Variants in NTSR2 observed in about 807,000 individuals in gnomAD.
NTSR2 encodes neurotensin receptor type 2.
NTSR2 carries 22 observed loss-of-function variants against 24.1 expected under a neutral mutation model. The observed-to-expected ratio is 0.91, with a 90% confidence interval of 0.65 to 1.30. The LOEUF is 1.30. NTSR2 is among the 50% of genes most tolerant of loss of function. The pLI, the probability that NTSR2 is intolerant of heterozygous loss-of-function variation, is 0.00. For missense variants in NTSR2, 570 were observed against 570.4 expected (o/e 1.00, Z 0.01); for synonymous variants, 291 against 267.0 (o/e 1.09, Z -0.88).
At chr2:11,659,676 G>A (rs920593182) in intron 3 of NTSR2, among the ~76,000 whole-genome samples, 2 of 152,222 alleles carry the variant, frequency 1.3e-5, no homozygotes, top group Non-Finnish European at 2.9e-5. Context: ...AGCTCCTGGG[G>A]TCGCACCTTT....
At position 11,666,623 on chromosome 2, in the gene NTSR2, C is replaced by T. The variant is rs187686458; in HGVS notation, c.624+2883G>A. Among the ~76,000 whole-genome samples, 1,065 of 152,282 alleles carry T rather than the reference C, an allele frequency of 7.0e-3. 4 individuals carry two copies. Among genetic ancestry groups the T allele is most frequent in the Non-Finnish European group, 0.012 (829 of 68,022 alleles). On this transcript the variant is annotated intron_variant, in intron 1 of 3. Transcript: ENST00000306928. ...CTGAGGCAGGAGAATCGCTTGAACC[C>T]AGAAGGCCGAGGTTGCAGTGAGCCG... is the stretch of plus-strand genomic sequence containing the variant.
At chr2:11,666,769 G>A (rs2148488578) in intron 1 of NTSR2, among the ~76,000 whole-genome samples, 1 of 152,238 alleles carries the variant, frequency 6.6e-6, no homozygotes, top group Non-Finnish European at 1.5e-5. Flanking sequence ...CAGGGGTGGA[G>A]GAAGGAGGGA....
Position 11,670,115 on chromosome 2 carries a change from G to GGGCCGCGGA in NTSR2, c.14_15insTCCGCGGCC (p.Pro9_Pro11dup). The GGGCCGCGGA allele has an allele frequency of 7.2e-7, 1 of 1,383,492 alleles. No homozygotes were observed. The allele number at this position is 1,383,492 out of a possible 1,614,324, so 85.7% of individuals were successfully genotyped here. On this transcript the variant is annotated inframe_insertion, in exon 1 of 4. Coordinates refer to ENST00000306928, the MANE Select transcript of NTSR2 (RefSeq NM_012344.4). ...TGGAGCTGGGCCGCGGGGGCCGCGG[G>GGGCCGCGGA]CTGCTGGTTTCCATCCCGCTCCCGC...
intron 1 of NTSR2, among the ~76,000 whole-genome samples, chr2:11,667,581 C>T (rs976736461): frequency 2.6e-5 from 4 of 152,180 alleles, no homozygotes; most frequent in Non-Finnish European, 5.9e-5. Context: ...CTGGCCTCAA[C>T]TGATCCTCCT....
Position 11,667,226 on chromosome 2 carries a change from T to G in NTSR2, c.624+2280A>C, listed in dbSNP as rs557982854. On this transcript the variant is annotated intron_variant, in intron 1 of 3. Coordinates refer to ENST00000306928, the MANE Select transcript of NTSR2 (RefSeq NM_012344.4). Reference sequence around the variant, plus strand: ...CTTCAATTTTTTATTTTGGCTGAAGTTGCCTCCAGTTCTGTTTCCATCATT... The same window carrying G: ...CTTCAATTTTTTATTTTGGCTGAAGGTGCCTCCAGTTCTGTTTCCATCATT... Among the ~76,000 whole-genome samples the G allele has an allele frequency of 2.7e-4, 41 of 152,334 alleles. 1 individual carries two copies. The highest frequency in any genetic ancestry group is 9.6e-4 in the African/African-American group (40 of 41,576).
chr2:11,665,195 C>T (rs1661169809), intron 1 of NTSR2, among the ~76,000 whole-genome samples: 1 of 152,042 alleles, frequency 6.6e-6, no homozygotes, highest in Non-Finnish European at 1.5e-5. Flanking sequence ...GTCACAGCCA[C>T]GCCAGGCCTC....
At position 11,669,539 on chromosome 2, in the gene NTSR2, C is replaced by A; in HGVS notation, c.591G>T (p.Leu197=). Residue 197 remains leucine, a synonymous_variant, in exon 1 of 4, where the codon CTG becomes CTT. Coordinates refer to ENST00000306928, the MANE Select transcript of NTSR2 (RefSeq NM_012344.4). Reference sequence around the variant, plus strand: ...AGACTTGGAGCGCGGTGCGGCTCACCAGCACCGTGCACACTCGCGAGGCGG... The same window carrying A: ...AGACTTGGAGCGCGGTGCGGCTCACAAGCACCGTGCACACTCGCGAGGCGG... ...PEPASRVCTV[L]VSRTALQVFI... is the part of the protein sequence containing the mutation. 1 of 1,436,328 alleles carries A rather than the reference C, an allele frequency of 7.0e-7. No homozygotes were observed. Among genetic ancestry groups the A allele is most frequent in the Non-Finnish European group, 9.2e-7 (1 of 1,091,658 alleles). 89.0% of individuals were successfully genotyped at this position (1,436,328 alleles called of 1,614,324 possible).
intron 1 of NTSR2, among the ~76,000 whole-genome samples, chr2:11,669,065 A>G (rs1031995495): frequency 6.6e-6 from 1 of 152,172 alleles, no homozygotes; most frequent in Non-Finnish European, 1.5e-5. Context: ...AAGCCTGATC[A>G]GGCCTCTGGA....
Position 11,658,471 on chromosome 2 carries a change from C to A in NTSR2, c.*8G>T. On this transcript the variant is annotated 3_prime_UTR_variant, in exon 4 of 4. Transcript: ENST00000306928. ...ATTTTGCTTGTTCTGTTCATTCTTG[C>A]ATTACATTCAGGTCCGGGTTTCTGG... is the stretch of plus-strand genomic sequence containing the variant. The A allele has an allele frequency of 6.3e-7, 1 of 1,588,818 alleles. No individual in the cohort carries two copies. The highest frequency in any genetic ancestry group is 8.6e-7 in the Non-Finnish European group (1 of 1,167,102).
chr2:11,669,384 C>T, intron 1 of NTSR2, 122 bp downstream of exon 1: 1 of 907,856 alleles, frequency 1.1e-6, no homozygotes, highest in Non-Finnish European at 1.5e-6. Flanking sequence ...CAAGACCCAA[C>T]TTGCTGGGTG....
intron 1 of NTSR2, among the ~76,000 whole-genome samples, chr2:11,663,235 T>C (rs1452721143): frequency 1.3e-5 from 2 of 152,018 alleles, no homozygotes; most frequent in Non-Finnish European, 2.9e-5. Flanking sequence ...TATAAGCCAA[T>C]AAAGAGGAAG....
In NTSR2 at chr2:11,660,008, C is replaced by T. The variant is rs757994634; in HGVS notation, c.989+35G>A. Reference sequence around the variant, plus strand: ...CCCAGGCCTAGCCCAGTTGGGCCCCCTCCCTGTGTGCTAGGGTCCTTCTGC... The same window carrying T: ...CCCAGGCCTAGCCCAGTTGGGCCCCTTCCCTGTGTGCTAGGGTCCTTCTGC... On this transcript the variant is annotated intron_variant, in intron 3 of 3. Transcript: ENST00000306928. The T allele has an allele frequency of 2.8e-5, 44 of 1,581,058 alleles. No individual in the cohort carries two copies. In the Middle Eastern group the frequency reaches 1.3e-3, roughly 48 times the overall value.
chr2:11,662,159 G>A lies in NTSR2; in HGVS notation c.706C>T (p.Leu236Phe), dbSNP rs547914343. The A allele has an allele frequency of 1.3e-6, 2 of 1,599,482 alleles. No homozygotes were observed. Among genetic ancestry groups the A allele is most frequent in the African/African-American group, 1.3e-5 (1 of 74,302 alleles). Residue 236 changes from leucine to phenylalanine, a missense_variant, in exon 2 of 4, where the codon CTC becomes TTC. By Grantham distance (22) the Leu-to-Phe change is conservative. Coordinates refer to ENST00000306928, the MANE Select transcript of NTSR2 (RefSeq NM_012344.4). ...NGVTVSHLLA[L>F]CSQVPSTSTP... Reference sequence around the variant, plus strand: ...GAAGTGGACGGCACTTGGGAGCAGAGGGCCAGCAGGTGGCTCACTGTGACC... The same window carrying A: ...GAAGTGGACGGCACTTGGGAGCAGAAGGCCAGCAGGTGGCTCACTGTGACC...
rs956540613 is a variant in NTSR2 at position 11,659,252 on chromosome 2, A to G, written c.990-530T>C. ...CCATCCCTGGCTGTGGTTCCTGGTC[A>G]CCTCATGGTAAGGTGACACTGCTGA... On this transcript the variant is annotated intron_variant, in intron 3 of 3. Coordinates refer to ENST00000306928, the MANE Select transcript of NTSR2 (RefSeq NM_012344.4). Among the ~76,000 whole-genome samples the G allele has an allele frequency of 7.9e-5, 12 of 152,236 alleles. No homozygotes were observed. In the South Asian group the frequency reaches 2.3e-3, roughly 29 times the overall value.
In NTSR2 at chr2:11,658,864, G is replaced by C. The variant is rs1228812323; in HGVS notation, c.990-142C>G. Reference sequence around the variant, plus strand: ...ATCAGGAAGCACAGTGTTTTTGTTTGTTTGTTTGTTTTTGAGACGGAGTCT... The same window carrying C: ...ATCAGGAAGCACAGTGTTTTTGTTTCTTTGTTTGTTTTTGAGACGGAGTCT... On this transcript the variant is annotated intron_variant, in intron 3 of 3. Transcript: ENST00000306928. The C allele has an allele frequency of 9.8e-6, 10 of 1,023,860 alleles. No individual in the cohort carries two copies. The East Asian group carries it at 2.0e-4, about 20-fold the overall frequency. The allele number at this position is 1,023,860 out of a possible 1,614,324, so 63.4% of individuals were successfully genotyped here. A position where few individuals can be genotyped will look rare whatever the true frequency, so the allele number is the denominator to read the frequency against.
At chr2:11,659,827 C>T (rs996469198) in intron 3 of NTSR2, among the ~76,000 whole-genome samples, 1 of 152,210 alleles carries the variant, frequency 6.6e-6, no homozygotes, top group African/African-American at 2.4e-5. Context: ...GGCTAGGCCT[C>T]TTACGCACAC....
At position 11,669,893 on chromosome 2, in the gene NTSR2, G is replaced by T; in HGVS notation, c.237C>A (p.Gly79=). ...GCACGCCGACCAGCAGCAGCAGCAG[G>T]CCCGCGAGCGCCAGGCTGAGCACGT... ...RHHVLSLALA[G]LLLLLVGVPV... Residue 79 remains glycine (G), a synonymous_variant, in exon 1 of 4, where the codon GGC becomes GGA. Transcript: ENST00000306928. 1 of 1,574,440 alleles carries T rather than the reference G, an allele frequency of 6.4e-7. No individual in the cohort carries two copies.
rs564129329 is a variant in NTSR2, at chr2:11,669,996, A to G, written c.134T>C (p.Leu45Pro). Residue 45 changes from leucine (L) to proline (P), a missense_variant, in exon 1 of 4, where the codon CTG (leucine) becomes CCG (proline). Coordinates refer to ENST00000306928, the MANE Select transcript of NTSR2 (RefSeq NM_012344.4). Reference protein sequence around the residue: ...FTALYALIWALGAAGNALSAH... With the variant: ...FTALYALIWAPGAAGNALSAH... ...GGACAGCGCATTGCCCGCCGCGCCC[A>G]GCGCCCAGATGAGTGCGTAGAGCGC... 139 of 1,513,480 alleles carry G rather than the reference A, an allele frequency of 9.2e-5. No homozygotes were observed. The highest frequency in any genetic ancestry group is 1.2e-4 in the Non-Finnish European group (132 of 1,137,098). The allele number at this position is 1,513,480 out of a possible 1,614,324, so 93.8% of individuals were successfully genotyped here.
intron 3 of NTSR2, among the ~76,000 whole-genome samples, chr2:11,659,071 T>C (rs1249339932): frequency 6.6e-6 from 1 of 152,216 alleles, no homozygotes; most frequent in Non-Finnish European, 1.5e-5. Flanking sequence ...CAGACTGGTC[T>C]TGAACTGCTG....
Sources: gnomAD v4.1 joint callset for allele counts (sites outside exome capture counted in the v4.1 genomes callset) on GRCh38, gnomAD v4.1.1 for gene constraint, MANE v1.5 for transcripts, NCBI Gene and HGNC (gene_info 2026-07-23, HGNC 2026-07-21) for gene names.